Variants in WDR41 observed in about 807,000 individuals in gnomAD.
The protein encoded by WDR41 is WD repeat-containing protein 41.
A neutral mutation model predicts 69.3 loss-of-function variants in WDR41; 63 were observed. The ratio of observed to expected loss-of-function variants is 0.91; its 90% CI spans 0.74 to 1.12. The LOEUF (loss-of-function observed/expected upper bound fraction) is 1.12, where lower values mean the gene tolerates loss of function less well. WDR41 is among the 50% of genes most tolerant of loss of function. WDR41 has a pLI of 0.00. For synonymous variants in WDR41, 185 were observed against 192.1 expected (o/e 0.96, Z 0.31); for missense variants, 543 against 534.5 (o/e 1.02, Z -0.16).
intron 1 of WDR41, among the ~76,000 whole-genome samples, chr5:77,609,662 AC>A (rs2112337696): frequency 6.6e-6 from 1 of 152,176 alleles, no homozygotes; most frequent in African/African-American, 2.4e-5. Context: ...TCTGTACATC[AC>A]CATCATCAAA....
chr5:77,552,398 A>G (rs1743316024), intron 1 of WDR41, among the ~76,000 whole-genome samples: 1 of 152,226 alleles, frequency 6.6e-6, no homozygotes, highest in Non-Finnish European at 1.5e-5. Flanking sequence ...GAAGACTTAA[A>G]TAAATGAAGA....
intron 1 of WDR41, among the ~76,000 whole-genome samples, chr5:77,554,338 C>T (rs747901306): frequency 6.6e-6 from 1 of 152,140 alleles, no homozygotes; most frequent in East Asian, 1.9e-4. Flanking sequence ...GAAATTCTTA[C>T]GTTAAAATCT....
chr5:77,449,368 C>T (rs1799532056), intron 8 of WDR41, among the ~76,000 whole-genome samples: 1 of 152,156 alleles, frequency 6.6e-6, no homozygotes, highest in African/African-American at 2.4e-5. Context: ...AAGTGTGTAA[C>T]TTGCTATGTG....
In WDR41 at chr5:77,441,477, C is replaced by T. The variant is rs190698757; in HGVS notation, c.698-480G>A. Among the ~76,000 whole-genome samples the T allele has an allele frequency of 3.3e-5, 5 of 152,014 alleles. No homozygotes were observed. The East Asian group carries it at 5.8e-4, about 18-fold the overall frequency. ...TGGCAAAACAAAAACAAGGACCGGG[C>T]GAGGTAATCCCAGCACTTTGGGAAG... is the stretch of plus-strand genomic sequence containing the variant. On this transcript the variant is annotated intron_variant, in intron 8 of 12. Transcript: ENST00000296679.
intron 8 of WDR41, among the ~76,000 whole-genome samples, chr5:77,447,798 T>G (rs547333133): frequency 6.6e-6 from 1 of 152,218 alleles, no homozygotes; most frequent in South Asian, 2.1e-4. Flanking sequence ...GAGGACAGGT[T>G]GATAGGTGCA....
At chr5:77,539,763 C>A (rs1471365541) in intron 1 of WDR41, among the ~76,000 whole-genome samples, 1 of 152,128 alleles carries the variant, frequency 6.6e-6, no homozygotes, top group Non-Finnish European at 1.5e-5. Context: ...AAAGAAAACA[C>A]CACAATAGTG....
chr5:77,458,192 G>T (rs542987013), intron 5 of WDR41, among the ~76,000 whole-genome samples: 26 of 152,186 alleles, frequency 1.7e-4, no homozygotes, highest in African/African-American at 6.3e-4. Flanking sequence ...TGTTAAGTTA[G>T]ATAGAAGTAT....
At chr5:77,447,135 T>C (rs186648090) in intron 8 of WDR41, among the ~76,000 whole-genome samples, 1 of 152,160 alleles carries the variant, frequency 6.6e-6, no homozygotes, top group Admixed American at 6.5e-5. Context: ...CTCAAGACAT[T>C]TATGTGGCCA....
chr5:77,472,907 T>C (rs1367131546), intron 2 of WDR41, among the ~76,000 whole-genome samples: 2 of 152,048 alleles, frequency 1.3e-5, no homozygotes, highest in Non-Finnish European at 2.9e-5. Context: ...CTTCACAGAA[T>C]TGGAAAAAAC....
intron 1 of WDR41, among the ~76,000 whole-genome samples, chr5:77,559,700 T>C (rs1743487381): frequency 6.6e-6 from 1 of 151,928 alleles, no homozygotes; most frequent in Admixed American, 6.6e-5. Context: ...TGTGTGTGTG[T>C]GTGTATTCCT....
At chr5:77,499,704 A>G (rs911959356) in intron 1 of WDR41, 2 of 152,236 alleles carry the variant, frequency 1.3e-5, no homozygotes, top group African/African-American at 4.8e-5. Flanking sequence ...GATAGTGGAA[A>G]TAGAAGAGTT....
At chr5:77,497,601 A>G (rs982664324) in intron 1 of WDR41, among the ~76,000 whole-genome samples, 1 of 152,196 alleles carries the variant, frequency 6.6e-6, no homozygotes, top group African/African-American at 2.4e-5. Context: ...TGGAAAATAA[A>G]TGTTGATAGG....
chr5:77,473,499 G>C (rs905005215), intron 2 of WDR41, among the ~76,000 whole-genome samples: 2 of 152,120 alleles, frequency 1.3e-5, no homozygotes, highest in African/African-American at 4.8e-5. Flanking sequence ...CCATCAGAGT[G>C]AACAGGCAAC....
chr5:77,600,455 G>A (rs1049510971), intron 1 of WDR41, among the ~76,000 whole-genome samples: 1 of 152,152 alleles, frequency 6.6e-6, no homozygotes, highest in Non-Finnish European at 1.5e-5. Context: ...GATTGACTAC[G>A]AAAAGGCATA....
chr5:77,438,091 G>A, intron 10 of WDR41, 149 bp downstream of exon 10: 2 of 1,122,920 alleles, frequency 1.8e-6, no homozygotes, highest in Non-Finnish European at 2.5e-6. Context: ...CCTTCTGTTA[G>A]AGACAGCCCT....
At chr5:77,597,492 C>G (rs1580042110) in intron 1 of WDR41, among the ~76,000 whole-genome samples, 1 of 152,154 alleles carries the variant, frequency 6.6e-6, no homozygotes. Context: ...ATTAGGCAAA[C>G]TGTGGATGAA....
chr5:77,562,882 C>G (rs1201983831), intron 1 of WDR41, among the ~76,000 whole-genome samples: 4 of 152,114 alleles, frequency 2.6e-5, no homozygotes, highest in African/African-American at 9.7e-5. Context: ...AAATGCTGTC[C>G]CCTCCAGATG....
chr5:77,582,222 G>A (rs1743951247), intron 1 of WDR41, among the ~76,000 whole-genome samples: 1 of 152,170 alleles, frequency 6.6e-6, no homozygotes, highest in East Asian at 1.9e-4. Flanking sequence ...TATGCCAATA[G>A]ATTACATAAC....
chr5:77,505,611 G>T (rs1018965139), intron 1 of WDR41, among the ~76,000 whole-genome samples: 1 of 152,128 alleles, frequency 6.6e-6, no homozygotes, highest in Non-Finnish European at 1.5e-5. Flanking sequence ...AAAGCTGGAG[G>T]CATCATGCTA....
Sources: gnomAD v4.1 joint callset for allele counts (sites outside exome capture counted in the v4.1 genomes callset) on GRCh38, gnomAD v4.1.1 for gene constraint, MANE v1.5 for transcripts, NCBI Gene and HGNC (gene_info 2026-07-23, HGNC 2026-07-21) for gene names.